LINGO2: variants seen among roughly 807,000 people sequenced by gnomAD.
LINGO2 encodes the protein leucine-rich repeat and immunoglobulin-like domain-containing nogo receptor-interacting protein 2.
Under a neutral mutation model 30.6 loss-of-function variants are expected in LINGO2, and 14 were observed. That is an observed-to-expected ratio of 0.46 (90% confidence interval 0.30 to 0.72). The LOEUF (loss-of-function observed/expected upper bound fraction) is 0.72, where lower values mean the gene tolerates loss of function less well. Ranked by LOEUF, LINGO2 falls within the 30% of genes least tolerant of loss-of-function variation. The probability of loss-of-function intolerance (pLI) is 0.07; values close to 1 mark genes in which losing one functional copy is unlikely to be tolerated. For missense variants in LINGO2, 729 were observed against 751.7 expected (o/e 0.97, Z 0.35); for synonymous variants, 317 against 288.5 (o/e 1.10, Z -1.00).
chr9:27,998,639 T>C (rs1005295926), intron 5 of LINGO2, among the ~76,000 whole-genome samples: 2 of 152,134 alleles, frequency 1.3e-5, no homozygotes, highest in South Asian at 2.1e-4. Flanking sequence ...GAAGTAGCTG[T>C]GCGTGGTGGC....
At chr9:28,569,842 T>G (rs1823584602) in intron 1 of LINGO2, among the ~76,000 whole-genome samples, 1 of 151,980 alleles carries the variant, frequency 6.6e-6, no homozygotes, top group Admixed American at 6.6e-5. Context: ...TCAATAAGCT[T>G]GATTGTGGTA....
chr9:28,051,351 A>ATT (rs546690711), intron 4 of LINGO2, among the ~76,000 whole-genome samples: 50 of 152,154 alleles, frequency 3.3e-4, no homozygotes, highest in African/African-American at 9.4e-4. Context: ...ATTTAACAGC[A>ATT]TTTTACATTC....
At chr9:27,950,169 A>G (rs1354656785) in exon 6 of LINGO2, 1 of 1,613,998 alleles carries the variant, frequency 6.2e-7, no homozygotes, top group Non-Finnish European at 8.5e-7. Flanking sequence ...CCTGTGTGAT[A>G]TATAAACCAA....
At chr9:28,410,602 G>C (rs757762270) in intron 2 of LINGO2, among the ~76,000 whole-genome samples, 2 of 152,046 alleles carry the variant, frequency 1.3e-5, no homozygotes, top group African/African-American at 2.4e-5. Flanking sequence ...CTGCTGCTTC[G>C]TGACTGCCAG....
chr9:28,650,483 C>A (rs1369768360), intron 1 of LINGO2, among the ~76,000 whole-genome samples: 1 of 152,112 alleles, frequency 6.6e-6, no homozygotes, highest in Non-Finnish European at 1.5e-5. Flanking sequence ...TAAATGAAAT[C>A]CCCACATCAG....
At chr9:28,346,289 G>C (rs1015429119) in intron 3 of LINGO2, among the ~76,000 whole-genome samples, 1 of 152,102 alleles carries the variant, frequency 6.6e-6, no homozygotes, top group African/African-American at 2.4e-5. Context: ...ACTTATATGT[G>C]AGAAAATGTG....
chr9:28,456,101 T>C (rs1824836231), intron 2 of LINGO2, among the ~76,000 whole-genome samples: 1 of 152,218 alleles, frequency 6.6e-6, no homozygotes, highest in South Asian at 2.1e-4. Context: ...TAGTAATTTT[T>C]GAGTGTTTAT....
Position 28,075,667 on chromosome 9 carries a change from C to T in LINGO2, c.-86-63262G>A, listed in dbSNP as rs570860880. Among the ~76,000 whole-genome samples the T allele has an allele frequency of 1.1e-3, 171 of 152,018 alleles. 1 individual carries two copies. The highest frequency in any genetic ancestry group is 2.1e-3 in the Non-Finnish European group (142 of 67,870). On this transcript the variant is annotated intron_variant, in intron 4 of 5. Transcript: ENST00000379992. ...CTAGATTGAACATGAGACTGAATAT[C>T]TTTTCAATATTTCTTGTTCTGCTGA...
chr9:29,145,475 AATT>A, the LINGO2 span, among the ~76,000 whole-genome samples: 1 of 152,002 alleles, frequency 6.6e-6, no homozygotes, highest in African/African-American at 2.4e-5. Context: ...TCAATAACAG[AATT>A]ATAAGAGAAA....
chr9:28,202,659 C>G (rs1218443530), intron 4 of LINGO2, among the ~76,000 whole-genome samples: 2 of 152,090 alleles, frequency 1.3e-5, no homozygotes, highest in African/African-American at 4.8e-5. Context: ...CAGAAAAACC[C>G]TGGCTCAAAT....
chr9:28,119,767 C>T (rs1008097334), intron 4 of LINGO2, among the ~76,000 whole-genome samples: 1 of 152,134 alleles, frequency 6.6e-6, no homozygotes, highest in Non-Finnish European at 1.5e-5. Flanking sequence ...TAAAATGTAT[C>T]AATCTGTCTC....
At position 28,165,014 on chromosome 9, in the gene LINGO2, T is replaced by C. The variant is rs115167797; in HGVS notation, c.-87+130194A>G. 5.8e-4 allele frequency among the ~76,000 whole-genome samples: 89 copies of C among 152,342 alleles called. 1 individual carries two copies. Among genetic ancestry groups the C allele is most frequent in the African/African-American group, 2.1e-3 (86 of 41,572 alleles). On this transcript the variant is annotated intron_variant, in intron 4 of 5. Transcript: ENST00000379992. ...TTTCTTTGAGTCACTTGAACTCTGA[T>C]GCAGTGAAGCACCAACCTCATCTCT...
chr9:29,042,662 G>T, the LINGO2 span, among the ~76,000 whole-genome samples: 2 of 151,758 alleles, frequency 1.3e-5, no homozygotes, highest in Non-Finnish European at 2.9e-5. Flanking sequence ...AAGAAAAATT[G>T]CATATATTTA....
At chr9:28,304,777 T>G (rs1824280888) in intron 3 of LINGO2, among the ~76,000 whole-genome samples, 1 of 152,048 alleles carries the variant, frequency 6.6e-6, no homozygotes, top group Non-Finnish European at 1.5e-5. Flanking sequence ...GAAAACCTAC[T>G]GGCACCCAGC....
Position 28,532,685 on chromosome 9 carries a change from A to C in LINGO2, c.-364-56660T>G, listed in dbSNP as rs117150227. ...CTGATTCTCCTCTAGACTTCCAAGC[A>C]GTTCATCCTGAGAAAGGAAAGTTAA... On this transcript the variant is annotated intron_variant, in intron 1 of 5. Coordinates refer to ENST00000379992, the Ensembl canonical transcript of LINGO2. Among the ~76,000 whole-genome samples the C allele has an allele frequency of 9.5e-3, 1,441 of 152,196 alleles. 33 individuals are homozygous for C. Among genetic ancestry groups the C allele is most frequent in the East Asian group, 0.085 (438 of 5,138 alleles).
chr9:28,238,747 A>G (rs1821669738), intron 4 of LINGO2, among the ~76,000 whole-genome samples: 1 of 152,112 alleles, frequency 6.6e-6, no homozygotes, highest in Non-Finnish European at 1.5e-5. Flanking sequence ...TAGAAAATCA[A>G]GAGCAAACCA....
chr9:28,010,678 G>C (rs554152227), intron 5 of LINGO2, among the ~76,000 whole-genome samples: 1 of 152,226 alleles, frequency 6.6e-6, no homozygotes, highest in African/African-American at 2.4e-5. Flanking sequence ...GCTGGACACA[G>C]TGGCTGGCTT....
the LINGO2 span, among the ~76,000 whole-genome samples, chr9:28,969,226 T>C: frequency 6.6e-6 from 1 of 152,126 alleles, no homozygotes; most frequent in African/African-American, 2.4e-5. Flanking sequence ...GGATGTCTTA[T>C]GTGACACAAT....
chr9:28,190,990 G>T (rs1290774862), intron 4 of LINGO2, among the ~76,000 whole-genome samples: 3 of 152,138 alleles, frequency 2.0e-5, no homozygotes, highest in Non-Finnish European at 2.9e-5. Flanking sequence ...ACAATTATTT[G>T]CTCTTTGCCA....
Sources: allele counts gnomAD v4.1 joint callset (sites outside exome capture counted in the v4.1 genomes callset), GRCh38; gene constraint gnomAD v4.1.1; transcripts MANE v1.5; gene names NCBI Gene and HGNC (gene_info 2026-07-23, HGNC 2026-07-21).